The following NRG3 variants were observed in gnomAD, a reference collection of about 807,000 sequenced individuals.
The protein encoded by NRG3 is neuregulin 3.
A neutral mutation model predicts 66.9 loss-of-function variants in NRG3; 31 were observed. The ratio of observed to expected loss-of-function variants is 0.46; its 90% CI spans 0.35 to 0.63. The LOEUF is 0.63. NRG3 is among the 20% of genes least tolerant of loss of function. The pLI is 0.00. For synonymous variants in NRG3, 393 were observed against 359.4 expected, an observed-to-expected ratio of 1.09 and a Z score of -1.06; for missense variants, 910 against 878.9, an observed-to-expected ratio of 1.04 and a Z score of -0.45.
chr10:82,132,516 G>GATATATATGAT (rs1554831260), intron 1 of NRG3, among the ~76,000 whole-genome samples: 1 of 11,842 alleles, frequency 8.4e-5, no homozygotes, highest in Non-Finnish European at 2.0e-4. Context: ...ATATATATAT[G>GATATATATGAT]ATATATATGA....
intron 1 of NRG3, among the ~76,000 whole-genome samples, chr10:81,995,737 C>T (rs1447741598): frequency 1.3e-5 from 2 of 152,080 alleles, no homozygotes; most frequent in African/African-American, 4.8e-5. Flanking sequence ...AATGATAGAC[C>T]ACCCACTTCT....
At chr10:82,284,514 T>G (rs2079304625) in intron 1 of NRG3, among the ~76,000 whole-genome samples, 1 of 152,222 alleles carries the variant, frequency 6.6e-6, no homozygotes, top group African/African-American at 2.4e-5. Context: ...TTTATCATAC[T>G]AGGCATTCAG....
In NRG3 at chr10:82,102,003, G is replaced by GTATATATATA. The variant is rs142461785; in HGVS notation, c.823+225847_823+225856dup. The stretch of plus-strand genomic sequence containing the variant: ...TTTACAGTTCTGTATATATGTGTGC[G>GTATATATATA]TATATATATATATATACGCACACAT... On this transcript the variant is annotated intron_variant, in intron 1 of 8. Transcript: ENST00000372141. Among the ~76,000 whole-genome samples the GTATATATATA allele has an allele frequency of 2.2e-3, 290 of 129,230 alleles. 4 individuals are homozygous for GTATATATATA. The highest frequency in any genetic ancestry group is 7.6e-3 in the African/African-American group (273 of 36,018). 84.8% of individuals were successfully genotyped at this position (129,230 alleles called of 152,430 possible). A position where few individuals can be genotyped will look rare whatever the true frequency, so the allele number is the denominator to read the frequency against.
At chr10:82,660,081 A>C (rs1354186673) in intron 2 of NRG3, among the ~76,000 whole-genome samples, 1 of 151,578 alleles carries the variant, frequency 6.6e-6, no homozygotes, top group African/African-American at 2.4e-5. Context: ...CTGTAATCCC[A>C]GCTACTCCAG....
intron 1 of NRG3, among the ~76,000 whole-genome samples, chr10:81,945,545 G>A (rs543631384): frequency 1.3e-5 from 2 of 152,180 alleles, no homozygotes; most frequent in African/African-American, 4.8e-5. Flanking sequence ...TAATATCTTT[G>A]CTCTGAAAAC....
intron 2 of NRG3, among the ~76,000 whole-genome samples, chr10:82,711,535 T>TTGTG (rs10603040): frequency 6.2e-4 from 92 of 148,392 alleles, no homozygotes; most frequent in African/African-American, 1.7e-3. Context: ...ATCTGTGTGT[T>TTGTG]TGTGTGTGTG....
chr10:82,723,992 AT>A (rs2057452634), intron 2 of NRG3, among the ~76,000 whole-genome samples: 2 of 150,246 alleles, frequency 1.3e-5, no homozygotes, highest in African/African-American at 5.0e-5. Flanking sequence ...AAAAAAGTAA[AT>A]AAATAAAAAA....
chr10:82,135,915 A>G (rs953905891), intron 1 of NRG3, among the ~76,000 whole-genome samples: 1 of 152,118 alleles, frequency 6.6e-6, no homozygotes, highest in Non-Finnish European at 1.5e-5. Flanking sequence ...GTCAATGTCT[A>G]GGCATTGAAG....
At chr10:82,848,638 A>T (rs550198827) in intron 3 of NRG3, among the ~76,000 whole-genome samples, 359 of 152,172 alleles carry the variant, frequency 2.4e-3, no homozygotes, top group Non-Finnish European at 2.6e-3. Context: ...GAGATTTGGG[A>T]AGGGTGGTAG....
chr10:82,447,320 C>T (rs1163273417), intron 2 of NRG3, among the ~76,000 whole-genome samples: 3 of 152,114 alleles, frequency 2.0e-5, no homozygotes, highest in Non-Finnish European at 2.9e-5. Flanking sequence ...CACAGTGGCC[C>T]ATGCCTGTAG....
intron 2 of NRG3, among the ~76,000 whole-genome samples, chr10:82,509,868 A>C (rs191980882): frequency 2.0e-5 from 3 of 151,846 alleles, no homozygotes; most frequent in South Asian, 2.1e-4. Context: ...ACTCTCCACA[A>C]CCTCTGTCCC....
At chr10:82,571,902 A>G (rs2045758053) in intron 2 of NRG3, among the ~76,000 whole-genome samples, 1 of 151,706 alleles carries the variant, frequency 6.6e-6, no homozygotes, top group Non-Finnish European at 1.5e-5. Context: ...AAAAAAATGT[A>G]TAGACAATGA....
At position 82,950,249 on chromosome 10, in the gene NRG3, A is replaced by G. The variant is rs964786621; in HGVS notation, c.1055-1220A>G. 2.0e-5 allele frequency among the ~76,000 whole-genome samples: 3 copies of G among 152,212 alleles called. No homozygotes were observed. In the East Asian group the frequency reaches 5.8e-4, roughly 29 times the overall value. On this transcript the variant is annotated intron_variant, in intron 4 of 8. Coordinates refer to ENST00000372141, the MANE Select transcript of NRG3 (RefSeq NM_001010848.4). ...GATGCAATTAATTTTGTATATTTTT[A>G]GAATATATATGTGTTAAATAGTGGG...
chr10:82,052,057 C>T (rs2063621172), intron 1 of NRG3, among the ~76,000 whole-genome samples: 1 of 145,954 alleles, frequency 6.9e-6, no homozygotes, highest in African/African-American at 2.5e-5. Context: ...GGTACGCTAA[C>T]AGCTCCTCAT....
In NRG3 at chr10:81,875,972, CGGT is replaced by C. The variant is rs1302074738; in HGVS notation, c.634_636del (p.Val212del). 6.2e-7 allele frequency: 1 copy of C among 1,613,918 alleles called. No homozygotes were observed. The highest frequency in any genetic ancestry group is 8.5e-7 in the Non-Finnish European group (1 of 1,180,048). ...AGCAGCACGCTGGGCTCCCGACCCC[CGGT>C]GCCAGGAACTCCAAGTACCCAGGCA... is the stretch of plus-strand genomic sequence containing the variant. On this transcript the variant is annotated inframe_deletion, in exon 1 of 9. Transcript: ENST00000372141. The surrounding 1 kb of genome is among the most constrained non-coding windows in gnomAD (Gnocchi z 5.3).
At chr10:82,604,559 A>G (rs1328836587) in intron 2 of NRG3, among the ~76,000 whole-genome samples, 1 of 152,110 alleles carries the variant, frequency 6.6e-6, no homozygotes, top group African/African-American at 2.4e-5. Flanking sequence ...AACGAGTGCA[A>G]TGTTTGGATC....
At chr10:82,367,226 G>A (rs2084591136) in intron 2 of NRG3, among the ~76,000 whole-genome samples, 1 of 152,112 alleles carries the variant, frequency 6.6e-6, no homozygotes, top group Admixed American at 6.6e-5. Context: ...TGTCCTTCCT[G>A]GCAGTCATTG....
At chr10:82,668,146 T>A (rs2052951009) in intron 2 of NRG3, among the ~76,000 whole-genome samples, 1 of 152,126 alleles carries the variant, frequency 6.6e-6, no homozygotes, top group Non-Finnish European at 1.5e-5. Context: ...CCTTTTTAAC[T>A]TTTATTTGCC....
intron 1 of NRG3, among the ~76,000 whole-genome samples, chr10:82,035,023 T>G (rs528002716): frequency 3.3e-4 from 51 of 152,240 alleles, no homozygotes; most frequent in African/African-American, 1.2e-3. Flanking sequence ...GTTTACTCCG[T>G]GCTGTTCATG....
Sources: allele counts gnomAD v4.1 joint callset (sites outside exome capture counted in the v4.1 genomes callset), GRCh38; gene constraint gnomAD v4.1.1; non-coding constraint Gnocchi (gnomAD v3.1); transcripts MANE v1.5; gene names NCBI Gene and HGNC (gene_info 2026-07-23, HGNC 2026-07-21).